CDH13: variants seen among roughly 807,000 people sequenced by gnomAD.
The protein encoded by CDH13 is cadherin-13.
A neutral mutation model predicts 63.8 loss-of-function variants in CDH13; 24 were observed. The observed-to-expected ratio is 0.38, with a 90% CI of 0.27 to 0.53. The LOEUF (loss-of-function observed/expected upper bound fraction) is 0.53, where lower values mean the gene tolerates loss of function less well. Among genes scored for constraint, CDH13 ranks in the 20% least tolerant of loss-of-function variants. The probability of loss-of-function intolerance (pLI) is 0.85; values close to 1 mark genes in which losing one functional copy is unlikely to be tolerated. For missense variants in CDH13, 1,049 were observed against 903.1 expected, an observed-to-expected ratio of 1.16 and a Z score of -2.07; for synonymous variants, 503 against 355.3, an observed-to-expected ratio of 1.42 and a Z score of -4.67.
At chr16:83,373,462 G>A (rs765368121) in intron 6 of CDH13, among the ~76,000 whole-genome samples, 3 of 152,104 alleles carry the variant, frequency 2.0e-5, no homozygotes, top group Non-Finnish European at 2.9e-5. Flanking sequence ...TCCGGAAGAA[G>A]GAACCTATGT....
intron 1 of CDH13, among the ~76,000 whole-genome samples, chr16:82,656,866 C>T (rs1385414591): frequency 2.0e-5 from 3 of 150,580 alleles, no homozygotes; most frequent in African/African-American, 7.3e-5. Context: ...GCTTCCTTCA[C>T]TTGGTAACAT....
At chr16:83,010,243 G>C (rs928960884) in intron 2 of CDH13, among the ~76,000 whole-genome samples, 1 of 150,890 alleles carries the variant, frequency 6.6e-6, no homozygotes, top group Non-Finnish European at 1.5e-5. Context: ...TCCTGGCACA[G>C]CACTTTGAGA....
rs2073872721 is a variant in CDH13, at chr16:83,485,787, C to G, written c.782-690C>G. On this transcript the variant is annotated intron_variant, in intron 6 of 13. Transcript: ENST00000567109. ...AGCTCCTGCACACCCAGGAGCATGC[C>G]TCTTTGTACTCCTGTTTCCCCAACA... Among the ~76,000 whole-genome samples, 6 of 152,226 alleles carry G rather than the reference C, an allele frequency of 3.9e-5. No individual in the cohort carries two copies. In the South Asian group the frequency reaches 8.3e-4, roughly 21 times the overall value.
intron 1 of CDH13, among the ~76,000 whole-genome samples, chr16:82,645,817 A>T (rs76494750): frequency 6.6e-6 from 1 of 152,168 alleles, no homozygotes; most frequent in African/African-American, 2.4e-5. Flanking sequence ...TAATTTATGA[A>T]GAAACCAGTA....
At chr16:83,602,140 A>AAAAAC in intron 7 of CDH13, among the ~76,000 whole-genome samples, 1 of 79,422 alleles carries the variant, frequency 1.3e-5, no homozygotes, top group Non-Finnish European at 2.2e-5. Context: ...AAAAAAAAAA[A>AAAAAC]AAACCCAAAG....
intron 2 of CDH13, among the ~76,000 whole-genome samples, chr16:82,919,174 AC>A (rs1347773921): frequency 6.6e-6 from 1 of 152,036 alleles, no homozygotes; most frequent in East Asian, 1.9e-4. Context: ...TTTCAATCTT[AC>A]TTTTTACATC....
chr16:83,027,721 T>C (rs535962707), intron 2 of CDH13, among the ~76,000 whole-genome samples: 11 of 152,306 alleles, frequency 7.2e-5, no homozygotes, highest in African/African-American at 2.6e-4. Context: ...GTACCCCACA[T>C]TGCCTGGGCT....
intron 1 of CDH13, among the ~76,000 whole-genome samples, chr16:82,661,085 G>C (rs1027059733): frequency 4.9e-4 from 74 of 152,284 alleles, no homozygotes; most frequent in Admixed American, 2.0e-3. Context: ...AGTGATGGTG[G>C]CCCAGGGGCC....
At chr16:83,036,851 C>G (rs1916905982) in intron 3 of CDH13, among the ~76,000 whole-genome samples, 1 of 152,156 alleles carries the variant, frequency 6.6e-6, no homozygotes, top group Non-Finnish European at 1.5e-5. Flanking sequence ...AGCCTGCACA[C>G]CCATACACCC....
At chr16:83,255,967 T>G (rs1374977547) in intron 5 of CDH13, among the ~76,000 whole-genome samples, 4 of 152,154 alleles carry the variant, frequency 2.6e-5, no homozygotes, top group Admixed American at 2.0e-4. Context: ...CTAAGAAGAT[T>G]TGATGCAGAC....
At chr16:83,443,258 C>T (rs2072536837) in intron 6 of CDH13, among the ~76,000 whole-genome samples, 1 of 152,114 alleles carries the variant, frequency 6.6e-6, no homozygotes. Flanking sequence ...GCTGCTTCAC[C>T]CCTGGGGAGG....
intron 3 of CDH13, among the ~76,000 whole-genome samples, chr16:83,091,880 C>T (rs2033930124): frequency 6.6e-6 from 1 of 152,180 alleles, no homozygotes; most frequent in Admixed American, 6.5e-5. Flanking sequence ...GGGTTTGAAG[C>T]AGTGATTCAT....
chr16:83,319,282 C>T (rs572415413), intron 5 of CDH13, among the ~76,000 whole-genome samples: 1 of 152,148 alleles, frequency 6.6e-6, no homozygotes, highest in East Asian at 1.9e-4. Flanking sequence ...AATATTTGAC[C>T]TCTAGGATTC....
At chr16:83,141,057 G>C (rs1036287235) in intron 4 of CDH13, among the ~76,000 whole-genome samples, 2 of 152,198 alleles carry the variant, frequency 1.3e-5, no homozygotes, top group African/African-American at 4.8e-5. Flanking sequence ...TCCTGTTGCA[G>C]AGGAATCCAC....
intron 5 of CDH13, among the ~76,000 whole-genome samples, chr16:83,270,836 C>G (rs893319577): frequency 6.6e-6 from 1 of 151,804 alleles, no homozygotes; most frequent in Non-Finnish European, 1.5e-5. Flanking sequence ...TGCTGTGTTG[C>G]TCTTCTCTTT....
intron 1 of CDH13, among the ~76,000 whole-genome samples, chr16:82,792,075 G>A (rs12922165): frequency 0.47 from 70,806 of 151,966 alleles, 17,279 homozygotes; most frequent in East Asian, 0.6. Context: ...AGTGTGGGAC[G>A]GATCTGTGAC....
chr16:82,719,383 T>A (rs1567463423), intron 1 of CDH13: 1 of 455,960 alleles, frequency 2.2e-6, no homozygotes, highest in Non-Finnish European at 4.4e-6. Flanking sequence ...TGTGTGCAAG[T>A]CCCAGTTCCA....
At chr16:82,829,940 A>T (rs1010511295) in intron 1 of CDH13, among the ~76,000 whole-genome samples, 1 of 152,246 alleles carries the variant, frequency 6.6e-6, no homozygotes, top group African/African-American at 2.4e-5. Context: ...AACAATTGTT[A>T]GGAAAATAGT....
At chr16:82,852,427 C>A (rs916302375) in intron 1 of CDH13, among the ~76,000 whole-genome samples, 1 of 152,136 alleles carries the variant, frequency 6.6e-6, no homozygotes, top group Non-Finnish European at 1.5e-5. Flanking sequence ...ATGACTCTGC[C>A]ACCTTGGGAG....
Sources: gnomAD v4.1 joint callset for allele counts (sites outside exome capture counted in the v4.1 genomes callset) on GRCh38, gnomAD v4.1.1 for gene constraint, MANE v1.5 for transcripts, NCBI Gene and HGNC (gene_info 2026-07-23, HGNC 2026-07-21) for gene names.